PTF1A: variants seen among roughly 807,000 people sequenced by gnomAD.
PTF1A encodes the protein pancreas associated transcription factor 1a, also known as pancreas transcription factor 1 subunit alpha.
In PTF1A, 18 loss-of-function variants were observed where a neutral mutation model predicts 22.6. The observed-to-expected ratio is 0.80, with a 90% CI of 0.55 to 1.18. PTF1A has a LOEUF of 1.18. Among genes scored for constraint, PTF1A ranks in the 50% most tolerant of loss-of-function variants. The pLI is 0.00. For synonymous variants in PTF1A, 259 were observed against 227.9 expected (o/e 1.14, Z -1.23); for missense variants, 477 against 473.0 (o/e 1.01, Z -0.08).
At position 23,194,217 on chromosome 10, in the gene PTF1A, C is replaced by A; in HGVS notation, c.*311C>A. ...TTGCCAGATATGGTTTATTTCTAAGCGTTGTCAATAAATGCTATTTACACC... is the reference window on the plus strand; with the variant it reads ...TTGCCAGATATGGTTTATTTCTAAGAGTTGTCAATAAATGCTATTTACACC... On this transcript the variant is annotated 3_prime_UTR_variant, in exon 2 of 2. Transcript: ENST00000376504. The A allele has an allele frequency of 3.6e-6, 1 of 279,492 alleles. No homozygotes were observed. 17.3% of individuals were successfully genotyped at this position (279,492 alleles called of 1,614,324 possible).
chr10:23,193,196 C>A lies in PTF1A; in HGVS notation c.666C>A (p.Asp222Glu), dbSNP rs752539260. Residue 222 changes from aspartate (D) to glutamate (E), a missense_variant, in exon 1 of 2, where the codon GAC (aspartate) becomes GAA (glutamate). Physicochemically the swap from Asp to Glu is conservative, Grantham distance 45. Coordinates refer to ENST00000376504, the MANE Select transcript of PTF1A (RefSeq NM_178161.3). ...TCCTCAGCGAGCTCGTGCAGGCCGACCTGCCCTTGCGCGGCGGTGGCGCGG... is the reference window on the plus strand; with the variant it reads ...TCCTCAGCGAGCTCGTGCAGGCCGAACTGCCCTTGCGCGGCGGTGGCGCGG... The part of the protein sequence containing the change: ...INFLSELVQA[D>E]LPLRGGGAGG... 7.4e-7 allele frequency: 1 copy of A among 1,354,200 alleles called. No individual in the cohort carries two copies. The highest frequency in any genetic ancestry group is 3.4e-5 in the East Asian group (1 of 29,042). The allele number at this position is 1,354,200 out of a possible 1,614,324, so 83.9% of individuals were successfully genotyped here. A position where few individuals can be genotyped will look rare whatever the true frequency, so the allele number is the denominator to read the frequency against.
Position 23,192,877 on chromosome 10 carries a change from G to A in PTF1A, c.347G>A (p.Gly116Asp). Reference sequence around the variant, plus strand: ...CCAGGCGGCTTCCCCTACTCGCCCGGCTCGCCGCCCTCGTGCCTGGCCTAC... The same window carrying A: ...CCAGGCGGCTTCCCCTACTCGCCCGACTCGCCGCCCTCGTGCCTGGCCTAC... ...APPGGFPYSP[G>D]SPPSCLAYPC... Residue 116 changes from glycine to aspartate, a missense_variant, in exon 1 of 2, where the codon GGC becomes GAC. Transcript: ENST00000376504. 1 of 1,314,492 alleles carries A rather than the reference G, an allele frequency of 7.6e-7. No individual in the cohort carries two copies. The highest frequency in any genetic ancestry group is 2.2e-5 in the South Asian group (1 of 45,112). 81.4% of individuals were successfully genotyped at this position (1,314,492 alleles called of 1,614,324 possible).
intron 1 of PTF1A, 95 bp from the exon 2 acceptor site, chr10:23,193,609 G>T: frequency 2.1e-6 from 2 of 955,640 alleles, no homozygotes; most frequent in Non-Finnish European, 1.7e-6. Flanking sequence ...TAGTATAACC[G>T]GAGAGCACCC....
chr10:23,192,850 C>A lies in PTF1A; in HGVS notation c.320C>A (p.Pro107His). The A allele has an allele frequency of 7.6e-7, 1 of 1,318,910 alleles. No homozygotes were observed. Among genetic ancestry groups the A allele is most frequent in the Non-Finnish European group, 9.7e-7 (1 of 1,034,214 alleles). 81.7% of individuals were successfully genotyped at this position (1,318,910 alleles called of 1,614,324 possible). A position where few individuals can be genotyped will look rare whatever the true frequency, so the allele number is the denominator to read the frequency against. The change falls in exon 1 of 2, where the codon CCC becomes CAC. Residue 107 changes from proline (P) to histidine (H), a missense_variant. Transcript: ENST00000376504. ...GGGYCCETGAPPGGFPYSPGS... is the reference protein window; with the variant it reads ...GGGYCCETGAHPGGFPYSPGS... ...GGCTACTGCTGCGAGACGGGGGCGC[C>A]CCCAGGCGGCTTCCCCTACTCGCCC...
rs1840899382 is a variant in PTF1A, at chr10:23,192,466, T to G, written c.-65T>G. On this transcript the variant is annotated 5_prime_UTR_variant, in exon 1 of 2. Transcript: ENST00000376504. Reference sequence around the variant, plus strand: ...CGGGAGGGAGGGGCTCGGACGGGCCTTAGAAACTCACCAAGAACTAACACG... The same window carrying G: ...CGGGAGGGAGGGGCTCGGACGGGCCGTAGAAACTCACCAAGAACTAACACG... The G allele has an allele frequency of 2.5e-6, 4 of 1,573,898 alleles. No homozygotes were observed. The highest frequency in any genetic ancestry group is 3.4e-6 in the Non-Finnish European group (4 of 1,166,820).
At position 23,192,815 on chromosome 10, in the gene PTF1A, C is replaced by G; in HGVS notation, c.285C>G (p.Gly95=). ...SSGGLGEPDD[G]GGGGYCCETG... ...GGGGCCTCGGTGAGCCAGACGACGG[C>G]GGCGGCGGCGGCTACTGCTGCGAGA... Residue 95 remains glycine, a synonymous_variant, in exon 1 of 2, where the codon GGC becomes GGG. Coordinates refer to ENST00000376504, the MANE Select transcript of PTF1A (RefSeq NM_178161.3). 7.7e-7 allele frequency: 1 copy of G among 1,298,736 alleles called. No individual in the cohort carries two copies. The highest frequency in any genetic ancestry group is 2.5e-5 in the South Asian group (1 of 40,346). 80.5% of individuals were successfully genotyped at this position (1,298,736 alleles called of 1,614,324 possible). A position where few individuals can be genotyped will look rare whatever the true frequency, so the allele number is the denominator to read the frequency against.
chr10:23,193,862 T>C lies in PTF1A; in HGVS notation c.943T>C (p.Phe315Leu). 1.2e-6 allele frequency: 2 copies of C among 1,614,118 alleles called. No homozygotes were observed. The highest frequency in any genetic ancestry group is 1.7e-6 in the Non-Finnish European group (2 of 1,180,026). ...CAGAAAACTCAACAGCAAATCTTCCTTCAACAACATAGAAAACGAACCACC... is the reference window on the plus strand; with the variant it reads ...CAGAAAACTCAACAGCAAATCTTCCCTCAACAACATAGAAAACGAACCACC... ...DPRKLNSKSS[F>L]NNIENEPPFE... The change falls in exon 2 of 2, where the codon TTC becomes CTC. Residue 315 changes from phenylalanine to leucine, a missense_variant. Coordinates refer to ENST00000376504, the MANE Select transcript of PTF1A (RefSeq NM_178161.3).
rs1166479724 is a variant in PTF1A, at chr10:23,193,842, A to G, written c.923A>G (p.Lys308Arg). 1 of 1,614,026 alleles carries G rather than the reference A, an allele frequency of 6.2e-7. No individual in the cohort carries two copies. The highest frequency in any genetic ancestry group is 8.5e-7 in the Non-Finnish European group (1 of 1,180,036). Residue 308 changes from lysine to arginine, a missense_variant, in exon 2 of 2, where the codon AAA (lysine) becomes AGA (arginine). By Grantham distance (26) the Lys-to-Arg change is conservative. Coordinates refer to ENST00000376504, the MANE Select transcript of PTF1A (RefSeq NM_178161.3). ...GTCTGGACCCCAGAGGACCCCAGAA[A>G]ACTCAACAGCAAATCTTCCTTCAAC... The part of the protein sequence containing the change: ...AKVWTPEDPR[K>R]LNSKSSFNNI...
Position 23,192,661 on chromosome 10 carries a change from C to T in PTF1A, c.131C>T (p.Ala44Val). The T allele has an allele frequency of 1.9e-6, 3 of 1,600,052 alleles. No homozygotes were observed. The highest frequency in any genetic ancestry group is 1.4e-5 in the African/African-American group (1 of 73,596). ...CTGGAGGACGGCGATGAGCTGCTGG[C>T]GGACGAGCAGGCCGAGGTGGAGTTC... ...DPLEDGDELLADEQAEVEFLS... is the reference protein window; with the variant it reads ...DPLEDGDELLVDEQAEVEFLS... The change falls in exon 1 of 2, where the codon GCG becomes GTG. Residue 44 changes from alanine (A) to valine (V), a missense_variant. Physicochemically the swap from Ala to Val is moderately conservative, Grantham distance 64 (BLOSUM62 0). Transcript: ENST00000376504.
At position 23,193,770 on chromosome 10, in the gene PTF1A, C is replaced by A. The variant is rs144865627; in HGVS notation, c.851C>A (p.Thr284Asn). Reference sequence around the variant, plus strand: ...CTAGCAGGACACTCTCTCTCATGGACTGATGAAAAACAACTCAAGGAACAA... The same window carrying A: ...CTAGCAGGACACTCTCTCTCATGGAATGATGAAAAACAACTCAAGGAACAA... ...PPLAGHSLSW[T>N]DEKQLKEQNI... is the part of the protein sequence containing the mutation. Residue 284 changes from threonine (T) to asparagine (N), a missense_variant, in exon 2 of 2, where the codon ACT (threonine) becomes AAT (asparagine). Physicochemically the swap from Thr to Asn is moderately conservative, Grantham distance 65 (BLOSUM62 0). Transcript: ENST00000376504. 207 of 1,613,838 alleles carry A rather than the reference C, an allele frequency of 1.3e-4. No homozygotes were observed. In the African/African-American group the frequency reaches 2.7e-3, roughly 21 times the overall value.
Position 23,192,340 on chromosome 10 carries a change from C to A in PTF1A, c.-191C>A. ...GGAAGTCCGCCACAGCCCTCCCCAGCGCAGCGCGAGCGCGGGCCAGAGCGC... is the reference window on the plus strand; with the variant it reads ...GGAAGTCCGCCACAGCCCTCCCCAGAGCAGCGCGAGCGCGGGCCAGAGCGC... On this transcript the variant is annotated 5_prime_UTR_variant, in exon 1 of 2. Transcript: ENST00000376504. 4 of 533,256 alleles carry A rather than the reference C, an allele frequency of 7.5e-6. No homozygotes were observed. Among genetic ancestry groups the A allele is most frequent in the Non-Finnish European group, 1.2e-5 (4 of 338,802 alleles). 33.0% of individuals were successfully genotyped at this position (533,256 alleles called of 1,614,324 possible). A position where few individuals can be genotyped will look rare whatever the true frequency, so the allele number is the denominator to read the frequency against.
chr10:23,192,416 G>A lies in PTF1A; in HGVS notation c.-115G>A, dbSNP rs575648203. 4 of 1,435,460 alleles carry A rather than the reference G, an allele frequency of 2.8e-6. No homozygotes were observed. The Admixed American group carries it at 9.0e-5, about 32-fold the overall frequency. 88.9% of individuals were successfully genotyped at this position (1,435,460 alleles called of 1,614,324 possible). On this transcript the variant is annotated 5_prime_UTR_variant, in exon 1 of 2. Coordinates refer to ENST00000376504, the MANE Select transcript of PTF1A (RefSeq NM_178161.3). ...CCCGGGGGCGGGCAGCCCGGCGGCC[G>A]CCTAGCTGCCCCCAGCCAGGGCCCC...
rs1358304158 is a variant in PTF1A, at chr10:23,192,600, G to C, written c.70G>C (p.Asp24His). ...CTTTCCTTCTTCGTACTTCGACGAG[G>C]ACGACTTCTTCACCGACCAGTCTTC... ...DAFPSSYFDE[D>H]DFFTDQSSRD... The change falls in exon 1 of 2, where the codon GAC (aspartate) becomes CAC (histidine). Residue 24 changes from aspartate (D) to histidine (H), a missense_variant. Physicochemically the swap from Asp to His is moderately conservative, Grantham distance 81 (BLOSUM62 -1). Transcript: ENST00000376504. The C allele has an allele frequency of 8.7e-6, 14 of 1,604,264 alleles. No homozygotes were observed. The highest frequency in any genetic ancestry group is 1.1e-5 in the Non-Finnish European group (13 of 1,175,568).
chr10:23,193,994 CAA>C lies in PTF1A; in HGVS notation c.*90_*91del, dbSNP rs1389448761. The stretch of plus-strand genomic sequence containing the variant: ...TATAATGTAAATGTAATTTAAGAAT[CAA>C]ATTTTTCGAATGGCAATCAACTGTT... On this transcript the variant is annotated 3_prime_UTR_variant, in exon 2 of 2. Coordinates refer to ENST00000376504, the MANE Select transcript of PTF1A (RefSeq NM_178161.3). 1.8e-6 allele frequency: 2 copies of C among 1,138,888 alleles called. No individual in the cohort carries two copies. The highest frequency in any genetic ancestry group is 2.6e-6 in the Non-Finnish European group (2 of 754,756). 70.5% of individuals were successfully genotyped at this position (1,138,888 alleles called of 1,614,324 possible). A position where few individuals can be genotyped will look rare whatever the true frequency, so the allele number is the denominator to read the frequency against.
In PTF1A at chr10:23,193,335, G is replaced by T. The variant is rs765828878; in HGVS notation, c.784+21G>T. On this transcript the variant is annotated intron_variant, in intron 1 of 1. Transcript: ENST00000376504. ...CACCCGTAAGTGCTTCCGCTTCCCA[G>T]CTCAGGGAGAAGGGGTCGGGCACTC... 5 of 1,394,492 alleles carry T rather than the reference G, an allele frequency of 3.6e-6. No individual in the cohort carries two copies. The East Asian group carries it at 7.7e-5, about 22-fold the overall frequency. The allele number at this position is 1,394,492 out of a possible 1,614,324, so 86.4% of individuals were successfully genotyped here. A position where few individuals can be genotyped will look rare whatever the true frequency, so the allele number is the denominator to read the frequency against.
In PTF1A at chr10:23,192,836, C is replaced by T; in HGVS notation, c.306C>T (p.Cys102=). The T allele has an allele frequency of 1.5e-6, 2 of 1,308,310 alleles. No homozygotes were observed. The highest frequency in any genetic ancestry group is 1.9e-6 in the Non-Finnish European group (2 of 1,032,238). The allele number at this position is 1,308,310 out of a possible 1,614,324, so 81.0% of individuals were successfully genotyped here. A position where few individuals can be genotyped will look rare whatever the true frequency, so the allele number is the denominator to read the frequency against. ...PDDGGGGGYC[C]ETGAPPGGFP... ...ACGGCGGCGGCGGCGGCTACTGCTG[C>T]GAGACGGGGGCGCCCCCAGGCGGCT... The change falls in exon 1 of 2, where the codon TGC becomes TGT. Residue 102 remains cysteine, a synonymous_variant. Coordinates refer to ENST00000376504, the MANE Select transcript of PTF1A (RefSeq NM_178161.3).
chr10:23,193,048 G>A lies in PTF1A; in HGVS notation c.518G>A (p.Arg173Gln). The change falls in exon 1 of 2, where the codon CGG becomes CAG. Residue 173 changes from arginine (R) to glutamine (Q), a missense_variant. Arg to Gln is a conservative substitution (Grantham distance 43). Transcript: ENST00000376504. ...QLRQAANVRE[R>Q]RRMQSINDAF... ...CGGCAGGCGGCCAACGTGCGCGAGC[G>A]GCGGCGCATGCAGTCCATCAACGAC... The A allele has an allele frequency of 7.5e-7, 1 of 1,327,476 alleles. No individual in the cohort carries two copies. Among genetic ancestry groups the A allele is most frequent in the East Asian group, 3.6e-5 (1 of 27,398 alleles). 82.2% of individuals were successfully genotyped at this position (1,327,476 alleles called of 1,614,324 possible). A position where few individuals can be genotyped will look rare whatever the true frequency, so the allele number is the denominator to read the frequency against.
In PTF1A at chr10:23,194,086, A is replaced by T; in HGVS notation, c.*180A>T. Reference sequence around the variant, plus strand: ...TAGATGATTTCTTTTTAAATATATAATTTATATAACTTATCCTGATTTTCT... The same window carrying T: ...TAGATGATTTCTTTTTAAATATATATTTTATATAACTTATCCTGATTTTCT... On this transcript the variant is annotated 3_prime_UTR_variant, in exon 2 of 2. Transcript: ENST00000376504. 1.7e-6 allele frequency: 1 copy of T among 581,158 alleles called. No individual in the cohort carries two copies. Among genetic ancestry groups the T allele is most frequent in the Non-Finnish European group, 3.0e-6 (1 of 329,338 alleles). 36.0% of individuals were successfully genotyped at this position (581,158 alleles called of 1,614,324 possible). A position where few individuals can be genotyped will look rare whatever the true frequency, so the allele number is the denominator to read the frequency against.
At chr10:23,193,667 G>A in intron 1 of PTF1A, 37 bp from the exon 2 acceptor site, 1 of 1,397,344 alleles carries the variant, frequency 7.2e-7, no homozygotes, top group Non-Finnish European at 1.0e-6. Flanking sequence ...AATGTGGTTG[G>A]ATATTCACAG....
Sources: gnomAD v4.1 joint callset for allele counts on GRCh38, gnomAD v4.1.1 for gene constraint, MANE v1.5 for transcripts, NCBI Gene and HGNC (gene_info 2026-07-23, HGNC 2026-07-21) for gene names.